Variants in CACNA1E observed in about 807,000 individuals in gnomAD.
CACNA1E encodes the protein calcium voltage-gated channel subunit alpha1 E.
Under a neutral mutation model 259.2 loss-of-function variants are expected in CACNA1E, and 40 were observed. That is an observed-to-expected ratio of 0.15 (90% CI 0.12 to 0.20). The LOEUF (loss-of-function observed/expected upper bound fraction) is 0.20, where lower values mean the gene tolerates loss of function less well. Among genes scored for constraint, CACNA1E ranks in the 10% least tolerant of loss-of-function variants. The probability of loss-of-function intolerance (pLI) is 1.00; values close to 1 mark genes in which losing one functional copy is unlikely to be tolerated. For synonymous variants in CACNA1E, 1,104 were observed against 1,138.5 expected (o/e 0.97, Z 0.61); for missense variants, 1,874 against 3,040.1 (o/e 0.62, Z 9.02).
At chr1:181,433,198 A>G (rs1659836338) in intron 2 of CACNA1E, among the ~76,000 whole-genome samples, 1 of 151,962 alleles carries the variant, frequency 6.6e-6, no homozygotes, top group African/African-American at 2.4e-5. Flanking sequence ...CTCTCTTTCC[A>G]TCCCCCAACC....
At chr1:181,797,369 A>G (rs1661903402) in intron 47 of CACNA1E, among the ~76,000 whole-genome samples, 1 of 152,196 alleles carries the variant, frequency 6.6e-6, no homozygotes, top group Non-Finnish European at 1.5e-5. Context: ...GAAAACATTC[A>G]TAGACTCTGT....
chr1:181,359,170 C>T lies in CACNA1E; in HGVS notation c.-15+41047C>T, dbSNP rs558666704. 2.0e-5 allele frequency among the ~76,000 whole-genome samples: 3 copies of T among 152,292 alleles called. No individual in the cohort carries two copies. In the East Asian group the frequency reaches 5.8e-4, roughly 29 times the overall value. On this transcript the variant is annotated intron_variant, in intron 1 of 11. Coordinates refer to the CACNA1E transcript ENST00000524607. ...CACTGGGTATGTGCTAAATGCATAG[C>T]ATGTACAATCATATTGATATAAGAC...
At chr1:181,502,356 C>T (rs12089770) in intron 1 of CACNA1E, among the ~76,000 whole-genome samples, 3,889 of 152,306 alleles carry the variant, frequency 0.026, 161 homozygotes, top group African/African-American at 0.088. Flanking sequence ...TATAGCTCCT[C>T]AGAATCTCCA....
intron 7 of CACNA1E, among the ~76,000 whole-genome samples, chr1:181,677,719 T>G (rs1403826725): frequency 2.6e-5 from 4 of 152,188 alleles, no homozygotes; most frequent in African/African-American, 9.7e-5. Context: ...ACCACTGTGG[T>G]TTCTATCATG....
intron 1 of CACNA1E, among the ~76,000 whole-genome samples, chr1:181,357,557 C>T (rs1361476064): frequency 1.3e-5 from 2 of 152,160 alleles, no homozygotes; most frequent in African/African-American, 2.4e-5. Context: ...TGCCAGGCAG[C>T]CTCTGTGAGT....
chr1:181,409,520 T>C (rs1657697067), intron 1 of CACNA1E, among the ~76,000 whole-genome samples: 1 of 152,214 alleles, frequency 6.6e-6, no homozygotes, highest in Admixed American at 6.5e-5. Context: ...AACTCAGTAC[T>C]AGGTGCTGGG....
At position 181,732,455 on chromosome 1, in the gene CACNA1E, A is replaced by G. The variant is rs1347482481; in HGVS notation, c.2369A>G (p.Gln790Arg). 4.5e-6 allele frequency: 7 copies of G among 1,550,846 alleles called. No individual in the cohort carries two copies. Among genetic ancestry groups the G allele is most frequent in the African/African-American group, 1.4e-5 (1 of 72,986 alleles). ...ACCAGCCAGCTGAGGAAGCACATGC[A>G]GATGTCCAGCCAGGAGGCCCTCAAC... Reference protein sequence around the residue: ...QRTSQLRKHMQMSSQEALNRE... With the variant: ...QRTSQLRKHMRMSSQEALNRE... The change falls in exon 20 of 48, where the codon CAG becomes CGG. Residue 790 changes from glutamine (Q) to arginine (R), a missense_variant. Coordinates refer to ENST00000367573, the MANE Select transcript of CACNA1E (RefSeq NM_001205293.3). This position sits in a 1 kb window ranked among gnomAD's most constrained non-coding sequence, Gnocchi z 5.5.
chr1:181,382,100 T>A (rs1170378029), intron 1 of CACNA1E, among the ~76,000 whole-genome samples: 1 of 152,088 alleles, frequency 6.6e-6, no homozygotes, highest in East Asian at 1.9e-4. Context: ...AGGGGCTATT[T>A]GGAATAGGGC....
At chr1:181,439,597 T>C (rs1024268393) in intron 2 of CACNA1E, among the ~76,000 whole-genome samples, 6 of 152,172 alleles carry the variant, frequency 3.9e-5, no homozygotes, top group African/African-American at 1.4e-4. Flanking sequence ...TCTGTACTTA[T>C]TTGTCACCTT....
At chr1:181,599,113 C>G (rs974193633) in intron 6 of CACNA1E, among the ~76,000 whole-genome samples, 3 of 151,984 alleles carry the variant, frequency 2.0e-5, no homozygotes, top group African/African-American at 4.8e-5. Flanking sequence ...CCCCCCTCCC[C>G]ACTCTTGCCC....
In CACNA1E at chr1:181,732,018, T is replaced by A. The variant is rs1243793029; in HGVS notation, c.2298-366T>A. On this transcript the variant is annotated intron_variant, in intron 19 of 47. Transcript: ENST00000367573. This position sits in a 1 kb window ranked among gnomAD's most constrained non-coding sequence, Gnocchi z 5.5. The stretch of plus-strand genomic sequence containing the variant: ...ACCTTGAATCAAGGGCCGTTGAGTG[T>A]GTACAAGCAGATGCCCCGAAAGCAA... Among the ~76,000 whole-genome samples the A allele has an allele frequency of 1.3e-5, 2 of 151,610 alleles. No individual in the cohort carries two copies. The highest frequency in any genetic ancestry group is 2.9e-5 in the Non-Finnish European group (2 of 67,928).
At chr1:181,518,431 ATT>A (rs1335335537) in intron 3 of CACNA1E, among the ~76,000 whole-genome samples, 4 of 152,194 alleles carry the variant, frequency 2.6e-5, no homozygotes, top group Non-Finnish European at 5.9e-5. Flanking sequence ...TTATCAGAAC[ATT>A]ATTTCTGTTC....
chr1:181,797,800 A>G (rs1482761076), intron 47 of CACNA1E, among the ~76,000 whole-genome samples: 2 of 152,228 alleles, frequency 1.3e-5, no homozygotes, highest in Non-Finnish European at 1.5e-5. Flanking sequence ...AGCTGAGTTC[A>G]GCAAACCACA....
At chr1:181,594,115 C>T (rs1297252630) in intron 6 of CACNA1E, among the ~76,000 whole-genome samples, 2 of 151,916 alleles carry the variant, frequency 1.3e-5, no homozygotes, top group Non-Finnish European at 2.9e-5. Context: ...ATTTTGTGAT[C>T]TGTGAAGGCT....
chr1:181,519,320 G>A (rs1158885852), intron 3 of CACNA1E, among the ~76,000 whole-genome samples: 1 of 152,186 alleles, frequency 6.6e-6, no homozygotes, highest in Non-Finnish European at 1.5e-5. Context: ...AAGTATAAAT[G>A]TGTTGGTGTG....
intron 1 of CACNA1E, among the ~76,000 whole-genome samples, chr1:181,346,906 G>T (rs1252141121): frequency 2.0e-5 from 3 of 152,154 alleles, no homozygotes; most frequent in Non-Finnish European, 2.9e-5. Context: ...ACCCCGGGTG[G>T]TGTGTTTTGA....
intron 6 of CACNA1E, among the ~76,000 whole-genome samples, chr1:181,628,303 T>TAAATGTCCAGGGTTTACAG (rs1168423617): frequency 6.6e-6 from 1 of 152,064 alleles, no homozygotes; most frequent in Non-Finnish European, 1.5e-5. Context: ...GTTTACAGAG[T>TAAATGTCCAGGGTTTACAG]GGATACAGTG....
At chr1:181,674,394 CAAAAAAA>C (rs10711497) in intron 7 of CACNA1E, among the ~76,000 whole-genome samples, 15 of 43,584 alleles carry the variant, frequency 3.4e-4, no homozygotes, top group Non-Finnish European at 5.4e-4. Context: ...GACTCCATCT[CAAAAAAA>C]AAAAAAAAAA....
chr1:181,795,828 C>T (rs1219245809), intron 46 of CACNA1E, among the ~76,000 whole-genome samples: 1 of 142,790 alleles, frequency 7.0e-6, no homozygotes, highest in African/African-American at 2.6e-5. Context: ...ATAAAGGAAT[C>T]AAAGTTGAAA....
Sources: allele counts gnomAD v4.1 joint callset (sites outside exome capture counted in the v4.1 genomes callset), GRCh38; gene constraint gnomAD v4.1.1; non-coding constraint Gnocchi (gnomAD v3.1); transcripts MANE v1.5; gene names NCBI Gene and HGNC (gene_info 2026-07-23, HGNC 2026-07-21).